The following RELN variants were observed in gnomAD, a reference collection of about 807,000 sequenced individuals.
RELN encodes reelin.
A neutral mutation model predicts 427.6 loss-of-function variants in RELN; 108 were observed. That is an observed-to-expected ratio of 0.25 (90% confidence interval 0.22 to 0.30). The LOEUF (loss-of-function observed/expected upper bound fraction) is 0.30. RELN is among the 10% of genes least tolerant of loss of function. The pLI is 1.00. For missense variants in RELN, 3,715 were observed against 4,302.8 expected, an observed-to-expected ratio of 0.86 and a Z score of 3.82; for synonymous variants, 1,524 against 1,513.4, an observed-to-expected ratio of 1.01 and a Z score of -0.16.
intron 8 of RELN, among the ~76,000 whole-genome samples, chr7:103,707,553 C>T (rs1834231693): frequency 6.6e-6 from 1 of 150,486 alleles, no homozygotes; most frequent in African/African-American, 2.5e-5. Context: ...GGCTGGAGTG[C>T]AATGGCGCGA....
intron 6 of RELN, among the ~76,000 whole-genome samples, chr7:103,730,555 A>G (rs1300671407): frequency 6.6e-6 from 1 of 152,078 alleles, no homozygotes; most frequent in Non-Finnish European, 1.5e-5. Flanking sequence ...GAACTCAACA[A>G]TCCACTAGAC....
rs80101294 is a variant in RELN at position 103,772,962 on chromosome 7, T to C, written c.544+3595A>G. Reference sequence around the variant, plus strand: ...CATTTTAGAAAGCTCATTATAGCAGTTCTGTAAAGGCACCATGAAAATAGG... The same window carrying C: ...CATTTTAGAAAGCTCATTATAGCAGCTCTGTAAAGGCACCATGAAAATAGG... On this transcript the variant is annotated intron_variant, in intron 4 of 64. Transcript: ENST00000428762. Among the ~76,000 whole-genome samples, 1,154 of 152,202 alleles carry C rather than the reference T, an allele frequency of 7.6e-3. 12 individuals carry two copies. Among genetic ancestry groups the C allele is most frequent in the African/African-American group, 0.026 (1,067 of 41,524 alleles).
intron 46 of RELN, among the ~76,000 whole-genome samples, chr7:103,528,163 T>C (rs1175907530): frequency 2.0e-5 from 3 of 152,158 alleles, no homozygotes; most frequent in African/African-American, 7.2e-5. Flanking sequence ...TATCAAACGA[T>C]GAACAGATAA....
At chr7:103,771,385 G>T (rs921837700) in intron 4 of RELN, among the ~76,000 whole-genome samples, 2 of 151,864 alleles carry the variant, frequency 1.3e-5, no homozygotes, top group African/African-American at 4.8e-5. Context: ...TCCCACTCCT[G>T]CCCAGTCACT....
In RELN at chr7:103,604,393, G is replaced by A. The variant is rs759905822; in HGVS notation, c.3099C>T (p.Cys1033=). 3.7e-6 allele frequency: 6 copies of A among 1,613,924 alleles called. No individual in the cohort carries two copies. The Admixed American group carries it at 8.3e-5, about 22-fold the overall frequency. Residue 1033 remains cysteine, a synonymous_variant, in exon 23 of 65, where the codon TGC becomes TGT. Transcript: ENST00000428762. ...ALDSIYIGQQ[C]PNMCSGHGSC... ...AGCCATGCCCACTGCACATGTTGGG[G>A]CACTGCTGCCCAATGTAAATGCTGT...
At chr7:103,701,219 A>G (rs998115433) in intron 8 of RELN, among the ~76,000 whole-genome samples, 1 of 152,178 alleles carries the variant, frequency 6.6e-6, no homozygotes, top group African/African-American at 2.4e-5. Flanking sequence ...GGTAAAAGAA[A>G]TATAAATTGC....
intron 20 of RELN, chr7:103,628,104 T>C (rs1289116301): frequency 6.6e-6 from 1 of 152,234 alleles, no homozygotes; most frequent in Non-Finnish European, 1.5e-5. Flanking sequence ...TTACGGTACA[T>C]GATCAGTTTG....
chr7:103,847,084 G>T (rs1198249706), intron 2 of RELN, among the ~76,000 whole-genome samples: 1 of 152,104 alleles, frequency 6.6e-6, no homozygotes, highest in East Asian at 1.9e-4. Context: ...TACCCAAAGG[G>T]TTATAAATCA....
At chr7:103,570,667 C>T (rs1830861748) in intron 31 of RELN, among the ~76,000 whole-genome samples, 2 of 152,214 alleles carry the variant, frequency 1.3e-5, no homozygotes, top group Non-Finnish European at 2.9e-5. Context: ...CTTCTTTTCC[C>T]TTCACCACAC....
chr7:103,769,359 G>GT (rs1194621705), intron 4 of RELN, among the ~76,000 whole-genome samples: 3 of 152,126 alleles, frequency 2.0e-5, no homozygotes, highest in Non-Finnish European at 4.4e-5. Flanking sequence ...CTTCCACCAC[G>GT]TGAGGATACA....
chr7:103,565,578 G>A, intron 33 of RELN, 27 bp from the exon 34 acceptor site: 4 of 1,605,242 alleles, frequency 2.5e-6, no homozygotes, highest in Non-Finnish European at 3.4e-6. Flanking sequence ...TGTAATGGTA[G>A]CATATATGTG....
At chr7:103,863,822 T>C (rs1584309283) in intron 2 of RELN, among the ~76,000 whole-genome samples, 1 of 152,044 alleles carries the variant, frequency 6.6e-6, no homozygotes, top group Non-Finnish European at 1.5e-5. Context: ...GCAATCAATT[T>C]TTTTTTTTTT....
chr7:103,894,997 T>G (rs1285445506), intron 2 of RELN, among the ~76,000 whole-genome samples: 1 of 152,152 alleles, frequency 6.6e-6, no homozygotes, highest in African/African-American at 2.4e-5. Context: ...ATTTATTTTT[T>G]TATTTGACAG....
intron 3 of RELN, among the ~76,000 whole-genome samples, chr7:103,804,805 C>T (rs1161545844): frequency 6.6e-6 from 1 of 152,078 alleles, no homozygotes; most frequent in Non-Finnish European, 1.5e-5. Context: ...CCACATTATT[C>T]AGTGAGGAGT....
intron 1 of RELN, among the ~76,000 whole-genome samples, chr7:103,931,214 C>T (rs182874392): frequency 4.7e-4 from 71 of 152,256 alleles, no homozygotes; most frequent in African/African-American, 1.6e-3. Flanking sequence ...CTCCACGCTC[C>T]GGCACACCTC....
intron 19 of RELN, among the ~76,000 whole-genome samples, chr7:103,630,982 G>C (rs1832450298): frequency 6.6e-6 from 1 of 151,232 alleles, no homozygotes; most frequent in Non-Finnish European, 1.5e-5. Context: ...AATTTACTGA[G>C]AAACTGGATT....
At chr7:103,956,813 T>C (rs1796442579) in intron 1 of RELN, among the ~76,000 whole-genome samples, 1 of 152,142 alleles carries the variant, frequency 6.6e-6, no homozygotes. Context: ...ATGGAATCAC[T>C]GGAATGTTAA....
At chr7:103,934,509 G>T (rs199892607) in intron 1 of RELN, among the ~76,000 whole-genome samples, 20 of 152,100 alleles carry the variant, frequency 1.3e-4, no homozygotes, top group Non-Finnish European at 7.3e-5. Flanking sequence ...AGCTTCCAAA[G>T]ATAGTCCAGC....
At chr7:103,924,991 T>TACACACATAC (rs1795698045) in intron 1 of RELN, among the ~76,000 whole-genome samples, 2 of 49,050 alleles carry the variant, frequency 4.1e-5, no homozygotes, top group Non-Finnish European at 1.0e-4. Flanking sequence ...CGCATACACA[T>TACACACATAC]ACACACACAC....
Sources: gnomAD v4.1 joint callset for allele counts (sites outside exome capture counted in the v4.1 genomes callset) on GRCh38, gnomAD v4.1.1 for gene constraint, MANE v1.5 for transcripts, NCBI Gene and HGNC (gene_info 2026-07-23, HGNC 2026-07-21) for gene names.